Variants in PARP2 observed in about 807,000 individuals in gnomAD.
The protein encoded by PARP2 is poly(ADP-ribose) polymerase 2, also known as poly [ADP-ribose] polymerase 2.
A neutral mutation model predicts 77.8 loss-of-function variants in PARP2; 57 were observed. That is an observed-to-expected ratio of 0.73 (90% CI 0.59 to 0.91). The LOEUF (loss-of-function observed/expected upper bound fraction) is 0.91, where lower values mean the gene tolerates loss of function less well. PARP2 is among the 40% of genes least tolerant of loss of function. The pLI is 0.00. For missense variants in PARP2, 651 were observed against 689.0 expected, an observed-to-expected ratio of 0.94 and a Z score of 0.62; for synonymous variants, 226 against 242.6, an observed-to-expected ratio of 0.93 and a Z score of 0.64.
chr14:20,351,166 C>T (rs766316693), intron 6 of PARP2, 44 bp downstream of exon 6: 2 of 1,482,290 alleles, frequency 1.3e-6, no homozygotes, highest in East Asian at 2.3e-5. Context: ...CCCTCCTCTT[C>T]TTAGATGTAT....
intron 4 of PARP2, among the ~76,000 whole-genome samples, chr14:20,348,755 C>G (rs1883856665): frequency 6.6e-6 from 1 of 152,300 alleles, no homozygotes; most frequent in South Asian, 2.1e-4. Flanking sequence ...TGCAGTGGCT[C>G]ACGCCTGTAA....
chr14:20,346,321 C>CTTTTTTTTT (rs71108595), intron 3 of PARP2, among the ~76,000 whole-genome samples: 6 of 90,860 alleles, frequency 6.6e-5, no homozygotes, highest in African/African-American at 9.3e-5. Context: ...CAGTTAGAAT[C>CTTTTTTTTT]TTTTTTTTTT....
chr14:20,351,059 G>A lies in PARP2; in HGVS notation c.434G>A (p.Gly145Glu), dbSNP rs775950956. Residue 145 changes from glycine to glutamate, a missense_variant, in exon 6 of 16, where the codon GGA becomes GAA. Gly to Glu is a moderately conservative substitution (Grantham distance 98, BLOSUM62 -2). Transcript: ENST00000429687. ...WMRWGRVGKM[G>E]QHSLVACSGN... The stretch of plus-strand genomic sequence containing the variant: ...ATTTCCTTTGCAGTTGGGAAAATGG[G>A]ACAGCACAGCCTGGTGGCTTGTTCA... 6.2e-7 allele frequency: 1 copy of A among 1,613,928 alleles called. No individual in the cohort carries two copies. Among genetic ancestry groups the A allele is most frequent in the Non-Finnish European group, 8.5e-7 (1 of 1,179,856 alleles).
rs1435294191 is a variant in PARP2 at position 20,347,354 on chromosome 14, G to GTGTGTGTA, written c.324+444_324+445insGTGTATGT. ...TGCCTAAAGTCCTTCATATGTGTGT[G>GTGTGTGTA]TGTATATATATATATATATATATAT... On this transcript the variant is annotated intron_variant, in intron 4 of 15. Coordinates refer to ENST00000429687, the MANE Select transcript of PARP2 (RefSeq NM_001042618.2). 2.7e-3 allele frequency among the ~76,000 whole-genome samples: 118 copies of GTGTGTGTA among 43,938 alleles called. 2 individuals carry two copies. The highest frequency in any genetic ancestry group is 3.3e-3 in the Non-Finnish European group (95 of 28,690). The allele number at this position is 43,938 out of a possible 152,430, so 28.8% of individuals were successfully genotyped here. A position where few individuals can be genotyped will look rare whatever the true frequency, so the allele number is the denominator to read the frequency against.
chr14:20,357,247 A>G, intron 14 of PARP2, 98 bp downstream of exon 14: 1 of 1,305,978 alleles, frequency 7.7e-7, no homozygotes, highest in Non-Finnish European at 1.1e-6. Context: ...TACCTGGGAT[A>G]GCTTGAGAGA....
At chr14:20,349,898 A>G (rs1218515109) in intron 4 of PARP2, among the ~76,000 whole-genome samples, 1 of 152,138 alleles carries the variant, frequency 6.6e-6, no homozygotes, top group Non-Finnish European at 1.5e-5. Context: ...CTTCACTCTG[A>G]GTGATTTACT....
rs376661532 is a variant in PARP2 at position 20,343,707 on chromosome 14, G to T, written c.46+20G>T. ...CGAGAGGTTCGGAGCTCAATATCGCGGGACGGCATGCGGGGGGCGGGCAGT... is the reference window on the plus strand; with the variant it reads ...CGAGAGGTTCGGAGCTCAATATCGCTGGACGGCATGCGGGGGGCGGGCAGT... On this transcript the variant is annotated intron_variant, in intron 1 of 15. Transcript: ENST00000429687. 10 of 1,607,796 alleles carry T rather than the reference G, an allele frequency of 6.2e-6. No homozygotes were observed. Among genetic ancestry groups the T allele is most frequent in the South Asian group, 1.1e-5 (1 of 89,734 alleles).
At chr14:20,355,227 C>T in intron 9 of PARP2, 1 of 293,048 alleles carries the variant, frequency 3.4e-6, no homozygotes, top group Non-Finnish European at 6.3e-6. Flanking sequence ...AAAACACCTT[C>T]AGGCATATCA....
chr14:20,346,996 G>C (rs1338414987), intron 4 of PARP2, 83 bp downstream of exon 4: 4 of 789,942 alleles, frequency 5.1e-6, no homozygotes, highest in Non-Finnish European at 8.2e-6. Flanking sequence ...ACAGTGTTCA[G>C]ATCTTTAAAG....
chr14:20,350,539 TC>T lies in PARP2; in HGVS notation c.339del (p.Phe113LeufsTer8). Reference sequence around the variant, plus strand: ...CACTCAACATAGACCAATCTCCAGTTCAACAACAACAAGTACTATCTGATTC... The same window carrying T: ...CACTCAACATAGACCAATCTCCAGTTAACAACAACAAGTACTATCTGATTC... Reference protein sequence around the residue: ...DVMLNQTNLQFNNNKYYLIQL... With the variant: ...DVMLNQTNLQXNNNKYYLIQL... On this transcript the variant is annotated frameshift_variant, in exon 5 of 16. Coordinates refer to ENST00000429687, the MANE Select transcript of PARP2 (RefSeq NM_001042618.2). LOFTEE classifies it high-confidence loss of function. 1 of 1,603,760 alleles carries T rather than the reference TC, an allele frequency of 6.2e-7. No individual in the cohort carries two copies. The highest frequency in any genetic ancestry group is 1.1e-5 in the South Asian group (1 of 90,672).
In PARP2 at chr14:20,354,902, T is replaced by C; in HGVS notation, c.857T>C (p.Met286Thr). Reference protein sequence around the residue: ...IRAGQHGRALMEACNEFYTRI... With the variant: ...IRAGQHGRALTEACNEFYTRI... ...GCTGGCCAGCATGGACGAGCTCTCA[T>C]GGAAGCATGCAATGAATTCTACACC... Residue 286 changes from methionine to threonine, a missense_variant, in exon 9 of 16, where the codon ATG becomes ACG. Physicochemically the swap from Met to Thr is moderately conservative, Grantham distance 81. Transcript: ENST00000429687. 1.9e-6 allele frequency: 3 copies of C among 1,613,950 alleles called. No individual in the cohort carries two copies. The highest frequency in any genetic ancestry group is 2.5e-6 in the Non-Finnish European group (3 of 1,179,954).
rs747294136 is a variant in PARP2 at position 20,345,004 on chromosome 14, G to A, written c.119G>A (p.Arg40His). 22 of 1,613,848 alleles carry A rather than the reference G, an allele frequency of 1.4e-5. No homozygotes were observed. In the Middle Eastern group the frequency reaches 4.9e-4, roughly 36 times the overall value. The part of the protein sequence containing the change: ...PEDSSPAKKT[R>H]RCQRQESKKM... ...GACTCTTCCCCTGCCAAGAAAACTC[G>A]TAGATGCCAGAGACAGGAGTCGAAA... is the stretch of plus-strand genomic sequence containing the variant. Residue 40 changes from arginine to histidine, a missense_variant, in exon 2 of 16, where the codon CGT (arginine) becomes CAT (histidine). By Grantham distance (29) the Arg-to-His change is conservative (BLOSUM62 0). Coordinates refer to ENST00000429687, the MANE Select transcript of PARP2 (RefSeq NM_001042618.2).
At chr14:20,343,735 G>C (rs1883603211) in intron 1 of PARP2, 48 bp downstream of exon 1, 1 of 1,586,148 alleles carries the variant, frequency 6.3e-7, no homozygotes, top group Non-Finnish European at 8.6e-7. Flanking sequence ...CGGGCAGTCA[G>C]AAAGGAACGA....
intron 3 of PARP2, among the ~76,000 whole-genome samples, chr14:20,346,373 GC>G (rs1883721314): frequency 7.3e-6 from 1 of 136,854 alleles, no homozygotes; most frequent in African/African-American, 2.9e-5. Context: ...GGTCACCCAG[GC>G]TGGAGTGCAG....
rs746512475 is a variant in PARP2 at position 20,357,726 on chromosome 14, G to A, written c.1642G>A (p.Val548Ile). Residue 548 changes from valine to isoleucine, a missense_variant, in exon 16 of 16, where the codon GTA (valine) becomes ATA (isoleucine). Coordinates refer to ENST00000429687, the MANE Select transcript of PARP2 (RefSeq NM_001042618.2). ...TACCCTCAACTACAATGAATATATT[G>A]TATATAACCCCAACCAGGTCCGTAT... is the stretch of plus-strand genomic sequence containing the variant. ...GYTLNYNEYI[V>I]YNPNQVRMRY... The A allele has an allele frequency of 3.0e-5, 49 of 1,613,742 alleles. No individual in the cohort carries two copies.
chr14:20,354,102 G>C lies in PARP2; in HGVS notation c.618G>C (p.Lys206Asn). 4 of 1,612,892 alleles carry C rather than the reference G, an allele frequency of 2.5e-6. No homozygotes were observed. The South Asian group carries it at 3.3e-5, about 13-fold the overall frequency. Residue 206 changes from lysine to asparagine, a missense_variant, in exon 8 of 16, where the codon AAG becomes AAC. Physicochemically the swap from Lys to Asn is moderately conservative, Grantham distance 94 (BLOSUM62 0). Transcript: ENST00000429687. ...TGCTATAGGATGAAGAGGAAACAAA[G>C]AAAGAGGAATCTCTTAAATCTCCCT... The part of the protein sequence containing the change: ...ATNTQDEEET[K>N]KEESLKSPLK...
intron 5 of PARP2, 180 bp downstream of exon 5, chr14:20,350,802 T>C (rs1883925942): frequency 6.6e-6 from 4 of 606,502 alleles, no homozygotes. Context: ...CTCCTTAGAG[T>C]TCCCACTGGA....
Position 20,352,332 on chromosome 14 carries a change from T to C in PARP2, c.585T>C (p.Tyr195=), listed in dbSNP as rs780398504. 6.3e-7 allele frequency: 1 copy of C among 1,585,256 alleles called. No individual in the cohort carries two copies. The highest frequency in any genetic ancestry group is 1.7e-5 in the Admixed American group (1 of 59,918). The part of the protein sequence containing the change: ...PGKYDMLQMD[Y]ATNTQDEEET... Reference sequence around the variant, plus strand: ...AATATGATATGCTACAGATGGACTATGCCACCAATACTCAGGTAACTCTCA... The same window carrying C: ...AATATGATATGCTACAGATGGACTACGCCACCAATACTCAGGTAACTCTCA... The change falls in exon 7 of 16, where the codon TAT becomes TAC. Residue 195 remains tyrosine, a synonymous_variant. Coordinates refer to ENST00000429687, the MANE Select transcript of PARP2 (RefSeq NM_001042618.2).
chr14:20,349,695 C>T (rs1883890265), intron 4 of PARP2, among the ~76,000 whole-genome samples: 1 of 151,994 alleles, frequency 6.6e-6, no homozygotes, highest in Non-Finnish European at 1.5e-5. Flanking sequence ...ATATCTTAGG[C>T]TCCTTTTTGT....
Sources: gnomAD v4.1 joint callset for allele counts (sites outside exome capture counted in the v4.1 genomes callset) on GRCh38, gnomAD v4.1.1 for gene constraint, MANE v1.5 for transcripts, NCBI Gene and HGNC (gene_info 2026-07-23, HGNC 2026-07-21) for gene names.